DDX59: variants seen among roughly 807,000 people sequenced by gnomAD.
DDX59 encodes probable ATP-dependent RNA helicase DDX59.
In DDX59, 30 loss-of-function variants were observed where a neutral mutation model predicts 51.9. The observed-to-expected ratio is 0.58, with a 90% CI of 0.43 to 0.78. DDX59 has a LOEUF of 0.78. Ranked by LOEUF, DDX59 falls within the 30% of genes least tolerant of loss-of-function variation. DDX59 has a pLI of 0.00. For missense variants in DDX59, 672 were observed against 730.8 expected, an observed-to-expected ratio of 0.92 and a Z score of 0.93; for synonymous variants, 255 against 253.3, an observed-to-expected ratio of 1.01 and a Z score of -0.06.
intron 4 of DDX59, among the ~76,000 whole-genome samples, chr1:200,652,544 T>C (rs1571622459): frequency 6.6e-6 from 1 of 151,988 alleles, no homozygotes; most frequent in East Asian, 1.9e-4. Flanking sequence ...TAATTTTGTA[T>C]TTTTAGTAGA....
downstream of DDX59, among the ~76,000 whole-genome samples, chr1:200,641,625 A>T (rs1267425070): frequency 1.3e-5 from 2 of 149,614 alleles, no homozygotes; most frequent in African/African-American, 2.5e-5. Context: ...TCCCAGCACC[A>T]TGGGAGGCCA....
At chr1:200,641,812 G>T (rs531980449), downstream of DDX59, among the ~76,000 whole-genome samples, 162 of 152,178 alleles carry the variant, frequency 1.1e-3, no homozygotes, top group African/African-American at 3.1e-3. Context: ...AGACCATCCT[G>T]GCCAACATGG....
downstream of DDX59, chr1:200,641,097 T>C: frequency 8.7e-7 from 1 of 1,155,688 alleles, no homozygotes; most frequent in Non-Finnish European, 1.2e-6. Flanking sequence ...TACTGGTGGC[T>C]GCCAGGAAAG....
chr1:200,659,248 C>T (rs1662228926), intron 3 of DDX59, 132 bp from the exon 4 acceptor site: 2 of 638,108 alleles, frequency 3.1e-6, no homozygotes, highest in Non-Finnish European at 5.6e-6. Flanking sequence ...ATGAATAAGC[C>T]AGACATAGTC....
At chr1:200,669,063 T>C (rs1288096709) in intron 1 of DDX59, among the ~76,000 whole-genome samples, 1 of 152,186 alleles carries the variant, frequency 6.6e-6, no homozygotes, top group Admixed American at 6.5e-5. Flanking sequence ...CTGGCCATGG[T>C]CACTTGAATC....
Position 200,649,843 on chromosome 1 carries a change from C to CTTTTT in DDX59, c.1314+577_1314+581dup, listed in dbSNP as rs777404977. 7.1e-5 allele frequency among the ~76,000 whole-genome samples: 10 copies of CTTTTT among 140,012 alleles called. No homozygotes were observed. In the East Asian group the frequency reaches 2.0e-3, roughly 28 times the overall value. 91.9% of individuals were successfully genotyped at this position (140,012 alleles called of 152,430 possible). A position where few individuals can be genotyped will look rare whatever the true frequency, so the allele number is the denominator to read the frequency against. The stretch of plus-strand genomic sequence containing the variant: ...AATACCAACCATATTTAACTTAATA[C>CTTTTT]TTTTTTTTTTTTTTTTTGAGACAGA... On this transcript the variant is annotated intron_variant, in intron 5 of 7. Transcript: ENST00000331314.
chr1:200,644,895 C>CA (rs60033922), intron 7 of DDX59, among the ~76,000 whole-genome samples: 13,824 of 80,854 alleles, frequency 0.17, 1,033 homozygotes, highest in East Asian at 0.4. Flanking sequence ...GACTCCATCT[C>CA]AAAAAAAAAA....
chr1:200,654,364 G>A (rs1661872843), intron 4 of DDX59: 1 of 151,962 alleles, frequency 6.6e-6, no homozygotes, highest in Non-Finnish European at 1.5e-5. Flanking sequence ...AGTAAGCAGA[G>A]ATTGCGCCAC....
intron 5 of DDX59, 26 bp from the exon 6 acceptor site, chr1:200,649,252 A>T: frequency 6.5e-7 from 1 of 1,530,284 alleles, no homozygotes. Flanking sequence ...CATATATCAA[A>T]AATTATTCAT....
chr1:200,652,142 T>C (rs1419314626), intron 4 of DDX59, among the ~76,000 whole-genome samples: 1 of 152,198 alleles, frequency 6.6e-6, no homozygotes, highest in Non-Finnish European at 1.5e-5. Flanking sequence ...ATAATTCTTT[T>C]AAACTATTAC....
intron 1 of DDX59, among the ~76,000 whole-genome samples, chr1:200,667,096 A>G (rs1347560319): frequency 6.7e-6 from 1 of 149,626 alleles, no homozygotes; most frequent in Non-Finnish European, 1.5e-5. Context: ...TGACAGTGAG[A>G]TTCTGTCTCA....
At chr1:200,650,005 G>A (rs985492596) in intron 5 of DDX59, among the ~76,000 whole-genome samples, 14 of 151,912 alleles carry the variant, frequency 9.2e-5, no homozygotes, top group African/African-American at 3.4e-4. Context: ...ACCACGCCTG[G>A]CTAATTTTTT....
Position 200,664,075 on chromosome 1 carries a change from T to TG in DDX59, c.815dup (p.Ser273IlefsTer20). 1.2e-6 allele frequency: 2 copies of TG among 1,611,462 alleles called. No individual in the cohort carries two copies. The highest frequency in any genetic ancestry group is 1.7e-6 in the Non-Finnish European group (2 of 1,179,386). On this transcript the variant is annotated frameshift_variant, in exon 3 of 8. Coordinates refer to ENST00000331314, the MANE Select transcript of DDX59 (RefSeq NM_001031725.6). LOFTEE classifies it high-confidence loss of function. ...TGGTTGGTGTAAGAATGAGCGCAGA[T>TG]GGAGTTTTGCTCTGCAAAGATGTGA...
rs532806435 is a variant in DDX59, at chr1:200,653,110, T to C, written c.1063-2434A>G. ...AGGCTTCTTCTTTCCTCATCTGTGCTCTCTCCTCAGATAAGATCAACAAAT... is the reference window on the plus strand; with the variant it reads ...AGGCTTCTTCTTTCCTCATCTGTGCCCTCTCCTCAGATAAGATCAACAAAT... On this transcript the variant is annotated intron_variant, in intron 4 of 7. Coordinates refer to ENST00000331314, the MANE Select transcript of DDX59 (RefSeq NM_001031725.6). Among the ~76,000 whole-genome samples, 4 of 152,270 alleles carry C rather than the reference T, an allele frequency of 2.6e-5. No individual in the cohort carries two copies. The East Asian group carries it at 7.7e-4, about 29-fold the overall frequency.
chr1:200,666,756 T>C lies in DDX59; in HGVS notation c.-11-5A>G. The C allele has an allele frequency of 6.3e-7, 1 of 1,591,466 alleles. No individual in the cohort carries two copies. Among genetic ancestry groups the C allele is most frequent in the Non-Finnish European group, 8.6e-7 (1 of 1,167,414 alleles). ...GAACAAACATCCTTCAATATTCTGT[T>C]AAGGAAATTATATAATGAGATTTAT... On this transcript the variant is annotated splice_region_variant and splice_polypyrimidine_tract_variant and intron_variant, in intron 1 of 7. Coordinates refer to ENST00000331314, the MANE Select transcript of DDX59 (RefSeq NM_001031725.6).
chr1:200,655,036 T>C (rs1486848471), intron 4 of DDX59: 1 of 152,164 alleles, frequency 6.6e-6, no homozygotes, highest in Non-Finnish European at 1.5e-5. Flanking sequence ...GCCTATTTTA[T>C]TTTTTAAAAT....
chr1:200,642,945 T>C (rs1661091368), downstream of DDX59, among the ~76,000 whole-genome samples: 2 of 152,214 alleles, frequency 1.3e-5, no homozygotes, highest in Non-Finnish European at 2.9e-5. Flanking sequence ...AGATCATGTA[T>C]GTACAGTGGT....
At chr1:200,663,315 C>T (rs1317625686) in intron 3 of DDX59, among the ~76,000 whole-genome samples, 1 of 152,208 alleles carries the variant, frequency 6.6e-6, no homozygotes, top group Admixed American at 6.5e-5. Flanking sequence ...GCCAAACCTT[C>T]CATTAAACAT....
chr1:200,654,440 C>G (rs1024965702), intron 4 of DDX59: 1 of 151,848 alleles, frequency 6.6e-6, no homozygotes, highest in African/African-American at 2.4e-5. Flanking sequence ...AAAAGGATCA[C>G]CTGGAATGAG....
Sources: allele counts gnomAD v4.1 joint callset (sites outside exome capture counted in the v4.1 genomes callset), GRCh38; gene constraint gnomAD v4.1.1; transcripts MANE v1.5; gene names NCBI Gene and HGNC (gene_info 2026-07-23, HGNC 2026-07-21).